ALKBH3: variants seen among roughly 807,000 people sequenced by gnomAD.
The protein encoded by ALKBH3 is alkB homolog 3, alpha-ketoglutarate dependent dioxygenase, also known as alpha-ketoglutarate-dependent dioxygenase alkB homolog 3.
In ALKBH3, 51 loss-of-function variants were observed where a neutral mutation model predicts 43.9. That is an observed-to-expected ratio of 1.16 (90% confidence interval 0.93 to 1.47). ALKBH3 has a LOEUF of 1.47. Ranked by LOEUF, ALKBH3 falls within the 40% of genes most tolerant of loss-of-function variation. The pLI is 0.00. For synonymous variants in ALKBH3, 102 were observed against 115.2 expected (o/e 0.89, Z 0.73); for missense variants, 361 against 351.9 (o/e 1.03, Z -0.21).
At chr11:43,900,234 T>A (rs1463626739) in intron 7 of ALKBH3, among the ~76,000 whole-genome samples, 1 of 135,236 alleles carries the variant, frequency 7.4e-6, no homozygotes, top group African/African-American at 2.8e-5. Flanking sequence ...TTTTTTTTTT[T>A]TTTTTTTGCG....
intron 1 of ALKBH3, among the ~76,000 whole-genome samples, chr11:43,881,649 C>G (rs530837972): frequency 1.3e-5 from 2 of 152,314 alleles, no homozygotes; most frequent in Non-Finnish European, 2.9e-5. Flanking sequence ...TCTGGGGGAA[C>G]TTGTTAAACA....
At chr11:43,894,721 A>G (rs1951806431) in intron 7 of ALKBH3, among the ~76,000 whole-genome samples, 1 of 152,244 alleles carries the variant, frequency 6.6e-6, no homozygotes, top group Non-Finnish European at 1.5e-5. Context: ...CTAGCATCTG[A>G]TCTTTATCGC....
rs150320064 is a variant in ALKBH3, at chr11:43,916,449, C to T, written c.670-2589C>T. Reference sequence around the variant, plus strand: ...TTTCAAGTATTTGGAAAACCAAGAACATCAATAACAAAACCCACCCTGTAG... The same window carrying T: ...TTTCAAGTATTTGGAAAACCAAGAATATCAATAACAAAACCCACCCTGTAG... On this transcript the variant is annotated intron_variant, in intron 8 of 9. Coordinates refer to ENST00000302708, the MANE Select transcript of ALKBH3 (RefSeq NM_139178.4). 4.7e-4 allele frequency among the ~76,000 whole-genome samples: 72 copies of T among 152,282 alleles called. 1 individual carries two copies. The highest frequency in any genetic ancestry group is 8.5e-4 in the Non-Finnish European group (58 of 68,014).
chr11:43,898,563 T>C (rs1023761375), intron 7 of ALKBH3: 1 of 768,294 alleles, frequency 1.3e-6, no homozygotes, highest in Non-Finnish European at 2.4e-6. Context: ...TAAGGCGATG[T>C]GAAGAGAATA....
At chr11:43,911,128 GA>G (rs1951935334) in intron 8 of ALKBH3, among the ~76,000 whole-genome samples, 1 of 152,228 alleles carries the variant, frequency 6.6e-6, no homozygotes, top group Non-Finnish European at 1.5e-5. Flanking sequence ...GCTGCTGTGT[GA>G]AGAATAATTT....
At chr11:43,886,753 T>G in intron 5 of ALKBH3, 100 bp downstream of exon 5, 10 of 1,160,076 alleles carry the variant, frequency 8.6e-6, no homozygotes, top group Non-Finnish European at 1.3e-5. Context: ...TACATATACA[T>G]TATGGAATAC....
At chr11:43,902,578 A>G (rs960526558) in intron 8 of ALKBH3, among the ~76,000 whole-genome samples, 6 of 152,184 alleles carry the variant, frequency 3.9e-5, no homozygotes, top group African/African-American at 1.4e-4. Context: ...GTGGAAGGCC[A>G]ACCAACAGGC....
chr11:43,897,998 C>G, intron 7 of ALKBH3: 1 of 827,102 alleles, frequency 1.2e-6, no homozygotes, highest in South Asian at 1.3e-5. Context: ...ACGCCCTCTT[C>G]AGAGACATCT....
At chr11:43,889,151 C>T (rs2135180021) in intron 5 of ALKBH3, among the ~76,000 whole-genome samples, 1 of 152,308 alleles carries the variant, frequency 6.6e-6, no homozygotes, top group South Asian at 2.1e-4. Flanking sequence ...CCTTAGCCTC[C>T]CAAGTAGTTG....
chr11:43,907,881 A>T (rs1951907188), intron 8 of ALKBH3, among the ~76,000 whole-genome samples: 2 of 152,152 alleles, frequency 1.3e-5, no homozygotes, highest in African/African-American at 4.8e-5. Flanking sequence ...ACACGGTCTG[A>T]TTGGCAATTT....
chr11:43,919,095 A>G lies in ALKBH3; in HGVS notation c.727A>G (p.Thr243Ala), dbSNP rs1446179972. Residue 243 changes from threonine (T) to alanine (A), a missense_variant, in exon 9 of 10, where the codon ACC (threonine) becomes GCC (alanine). Coordinates refer to ENST00000302708, the MANE Select transcript of ALKBH3 (RefSeq NM_139178.4). ...AGTGAAGATACCCTTGGATCATGGG[A>G]CCTTGTTAATCATGGAAGGAGCGAC... is the stretch of plus-strand genomic sequence containing the variant. ...ERVKIPLDHG[T>A]LLIMEGATQA... 2.5e-6 allele frequency: 4 copies of G among 1,613,338 alleles called. No homozygotes were observed. The South Asian group carries it at 4.4e-5, about 18-fold the overall frequency.
Position 43,919,968 on chromosome 11 carries a change from C to T in ALKBH3, c.819C>T (p.Thr273=). Reference sequence around the variant, plus strand: ...CTAGAGAACCGAGAGTGAACCTGACCTTTCGGACAGTCTATCCAGACCCTC... The same window carrying T: ...CTAGAGAACCGAGAGTGAACCTGACTTTTCGGACAGTCTATCCAGACCCTC... ...YHSREPRVNL[T]FRTVYPDPRG... Residue 273 remains threonine, a synonymous_variant, in exon 10 of 10, where the codon ACC becomes ACT. Transcript: ENST00000302708. 6.2e-7 allele frequency: 1 copy of T among 1,614,130 alleles called. No homozygotes were observed.
At position 43,886,537 on chromosome 11, in the gene ALKBH3, A is replaced by AGCAT; in HGVS notation, c.219-69_219-68insGCAT. 4 of 1,513,408 alleles carry AGCAT rather than the reference A, an allele frequency of 2.6e-6. No individual in the cohort carries two copies. In the South Asian group the frequency reaches 3.4e-5, roughly 13 times the overall value. 93.7% of individuals were successfully genotyped at this position (1,513,408 alleles called of 1,614,324 possible). ...CAGGACTTTGGCAGTTCAGAAGGAT[A>AGCAT]ACTCTTCCACTGGGTATAGCATATT... On this transcript the variant is annotated intron_variant, in intron 4 of 9. Coordinates refer to ENST00000302708, the MANE Select transcript of ALKBH3 (RefSeq NM_139178.4).
Position 43,901,712 on chromosome 11 carries a change from A to G in ALKBH3, c.656A>G (p.Lys219Arg). ...GCCACACGCACATTTGAGATGAGAA[A>G]GAAGCCACCACCAGTGAGTATTCTC... is the stretch of plus-strand genomic sequence containing the variant. ...FGATRTFEMR[K>R]KPPPEENGDY... The change falls in exon 8 of 10, where the codon AAG becomes AGG. Residue 219 changes from lysine to arginine, a missense_variant. Lys to Arg is a conservative substitution (Grantham distance 26). Coordinates refer to ENST00000302708, the MANE Select transcript of ALKBH3 (RefSeq NM_139178.4). The G allele has an allele frequency of 6.2e-6, 10 of 1,614,252 alleles. No individual in the cohort carries two copies. The highest frequency in any genetic ancestry group is 8.5e-6 in the Non-Finnish European group (10 of 1,180,030).
intron 8 of ALKBH3, among the ~76,000 whole-genome samples, chr11:43,910,785 A>C (rs1215072810): frequency 5.5e-5 from 8 of 146,066 alleles, no homozygotes; most frequent in Non-Finnish European, 1.5e-5. Context: ...TACTAAAATG[A>C]CTTTTTTTTT....
chr11:43,890,025 G>T (rs184631917), intron 6 of ALKBH3, among the ~76,000 whole-genome samples, 197 bp downstream of exon 6: 2 of 152,210 alleles, frequency 1.3e-5, no homozygotes, highest in African/African-American at 4.8e-5. Flanking sequence ...AAGGCCCAGA[G>T]ATCAGAGAGA....
intron 7 of ALKBH3, 46 bp downstream of exon 7, chr11:43,892,175 T>C (rs1951788695): frequency 3.4e-6 from 5 of 1,487,260 alleles, no homozygotes; most frequent in Non-Finnish European, 4.7e-6. Flanking sequence ...GACTATATAC[T>C]ATGTGTTGAG....
In ALKBH3 at chr11:43,919,869, A is replaced by C. The variant is rs764608191; in HGVS notation, c.769-49A>C. On this transcript the variant is annotated intron_variant, in intron 9 of 9. Coordinates refer to ENST00000302708, the MANE Select transcript of ALKBH3 (RefSeq NM_139178.4). ...TAAGTTTTAAGTCGCTTTGAACTAAAAGTGTGTATGTGTGTATTTATGTCA... is the reference window on the plus strand; with the variant it reads ...TAAGTTTTAAGTCGCTTTGAACTAACAGTGTGTATGTGTGTATTTATGTCA... 1.9e-5 allele frequency: 29 copies of C among 1,518,510 alleles called. No homozygotes were observed. In the African/African-American group the frequency reaches 3.4e-4, roughly 18 times the overall value. 94.1% of individuals were successfully genotyped at this position (1,518,510 alleles called of 1,614,324 possible). A position where few individuals can be genotyped will look rare whatever the true frequency, so the allele number is the denominator to read the frequency against.
At chr11:43,897,944 A>G in intron 7 of ALKBH3, 3 of 783,204 alleles carry the variant, frequency 3.8e-6, no homozygotes, top group Non-Finnish European at 7.1e-6. Context: ...CGCCATTTAG[A>G]AGGAGGCATA....
Sources: allele counts gnomAD v4.1 joint callset (sites outside exome capture counted in the v4.1 genomes callset), GRCh38; gene constraint gnomAD v4.1.1; transcripts MANE v1.5; gene names NCBI Gene and HGNC (gene_info 2026-07-23, HGNC 2026-07-21).